The following SLC6A11 variants were observed in gnomAD, a reference collection of about 807,000 sequenced individuals.
SLC6A11 encodes the protein solute carrier family 6 member 11, also known as sodium- and chloride-dependent GABA transporter 3.
SLC6A11 carries 25 observed loss-of-function variants against 74.8 expected under a neutral mutation model. That is an observed-to-expected ratio of 0.33 (90% CI 0.24 to 0.47). The LOEUF is 0.47. Among genes scored for constraint, SLC6A11 ranks in the 20% least tolerant of loss-of-function variants. The pLI is 1.00. For synonymous variants in SLC6A11, 330 were observed against 330.2 expected, an observed-to-expected ratio of 1.00 and a Z score of 0.01; for missense variants, 574 against 837.0, an observed-to-expected ratio of 0.69 and a Z score of 3.88.
At chr3:10,876,186 C>G (rs1027796671) in intron 6 of SLC6A11, among the ~76,000 whole-genome samples, 2 of 152,168 alleles carry the variant, frequency 1.3e-5, no homozygotes, top group Non-Finnish European at 2.9e-5. Context: ...CCCCTCATCA[C>G]GGTGGGCAGA....
At chr3:10,913,056 T>TG (rs1277351798) in intron 7 of SLC6A11, among the ~76,000 whole-genome samples, 1 of 150,354 alleles carries the variant, frequency 6.7e-6, no homozygotes, top group East Asian at 1.9e-4. Flanking sequence ...AGGTTGCCTT[T>TG]TTTTTTTTTT....
Position 10,844,429 on chromosome 3 carries a change from A to T in SLC6A11, c.756+83A>T, listed in dbSNP as rs1250070834. On this transcript the variant is annotated intron_variant, in intron 5 of 13. Coordinates refer to ENST00000254488, the MANE Select transcript of SLC6A11 (RefSeq NM_014229.3). ...TGACCTAGAGAGTAACAGGGAGTTCATGTTGCAGAGGCCAGCACTTAAGTT... is the reference window on the plus strand; with the variant it reads ...TGACCTAGAGAGTAACAGGGAGTTCTTGTTGCAGAGGCCAGCACTTAAGTT... The T allele has an allele frequency of 3.9e-6, 6 of 1,550,934 alleles. No individual in the cohort carries two copies. In the East Asian group the frequency reaches 1.1e-4, roughly 29 times the overall value.
At chr3:10,928,001 C>T (rs1256604784) in intron 9 of SLC6A11, among the ~76,000 whole-genome samples, 2 of 152,178 alleles carry the variant, frequency 1.3e-5, no homozygotes, top group Non-Finnish European at 2.9e-5. Flanking sequence ...CAGGCTTTGC[C>T]ACTTATCGCC....
At chr3:10,848,559 A>G (rs752238882) in intron 5 of SLC6A11, among the ~76,000 whole-genome samples, 2 of 152,174 alleles carry the variant, frequency 1.3e-5, no homozygotes, top group Non-Finnish European at 2.9e-5. Context: ...AGGTAGCAAG[A>G]TGCCTGCCAC....
At chr3:10,933,695 G>T (rs1404875632) in intron 11 of SLC6A11, among the ~76,000 whole-genome samples, 2 of 152,166 alleles carry the variant, frequency 1.3e-5, no homozygotes, top group Non-Finnish European at 2.9e-5. Flanking sequence ...TGTGGCTTGG[G>T]AATGGATGCC....
intron 5 of SLC6A11, among the ~76,000 whole-genome samples, chr3:10,871,742 T>C (rs1694830517): frequency 2.0e-5 from 3 of 152,152 alleles, no homozygotes; most frequent in South Asian, 4.2e-4. Context: ...CTCTTTTATA[T>C]TTGATCTGCA....
chr3:10,863,611 G>A (rs768386990), intron 5 of SLC6A11, among the ~76,000 whole-genome samples: 3 of 152,146 alleles, frequency 2.0e-5, no homozygotes, highest in African/African-American at 4.8e-5. Context: ...GGAGTGTTTT[G>A]TTCTGCCTGG....
chr3:10,868,500 A>G (rs974861876), intron 5 of SLC6A11, among the ~76,000 whole-genome samples: 6 of 152,264 alleles, frequency 3.9e-5, no homozygotes, highest in Non-Finnish European at 5.9e-5. Context: ...GCTAACCTTT[A>G]TATTCAGAAA....
At chr3:10,820,330 G>A (rs564221868) in intron 3 of SLC6A11, among the ~76,000 whole-genome samples, 1 of 152,312 alleles carries the variant, frequency 6.6e-6, no homozygotes, top group African/African-American at 2.4e-5. Flanking sequence ...AGATTTGGTT[G>A]CCAAAATTAA....
rs543597134 is a variant in SLC6A11, at chr3:10,926,629, T to C, written c.1233+513T>C. ...CCCCGCCACCGCCTGCCTGTCTCTGTGCTCGGCCCTCCCTAGAGGCCCCTT... is the reference window on the plus strand; with the variant it reads ...CCCCGCCACCGCCTGCCTGTCTCTGCGCTCGGCCCTCCCTAGAGGCCCCTT... On this transcript the variant is annotated intron_variant, in intron 9 of 13. Coordinates refer to ENST00000254488, the MANE Select transcript of SLC6A11 (RefSeq NM_014229.3). The surrounding 1 kb of genome is among the most constrained non-coding windows in gnomAD (Gnocchi z 5.7). 6.6e-6 allele frequency among the ~76,000 whole-genome samples: 1 copy of C among 152,242 alleles called. No individual in the cohort carries two copies. Among genetic ancestry groups the C allele is most frequent in the South Asian group, 2.1e-4 (1 of 4,820 alleles).
At chr3:10,917,608 C>T (rs1442771298) in intron 7 of SLC6A11, among the ~76,000 whole-genome samples, 1 of 152,192 alleles carries the variant, frequency 6.6e-6, no homozygotes, top group Non-Finnish European at 1.5e-5. Flanking sequence ...CCGTCTTCAT[C>T]TTGACAAAGT....
intron 8 of SLC6A11, among the ~76,000 whole-genome samples, chr3:10,922,756 G>A (rs1230983036): frequency 6.6e-6 from 1 of 152,106 alleles, no homozygotes; most frequent in African/African-American, 2.4e-5. Context: ...AGTAACAAAT[G>A]AACCTAACTG....
chr3:10,934,494 C>T (rs529808010), intron 12 of SLC6A11, among the ~76,000 whole-genome samples: 1 of 152,352 alleles, frequency 6.6e-6, no homozygotes, highest in South Asian at 2.1e-4. Flanking sequence ...CTGTCCCCAT[C>T]TTGTTGTTAA....
intron 6 of SLC6A11, among the ~76,000 whole-genome samples, chr3:10,902,808 G>A (rs192685028): frequency 3.3e-5 from 5 of 152,280 alleles, no homozygotes; most frequent in Admixed American, 6.5e-5. Flanking sequence ...GGGGCAATTA[G>A]GAGATTCATT....
chr3:10,864,769 T>C (rs1694743960), intron 5 of SLC6A11, among the ~76,000 whole-genome samples: 1 of 152,240 alleles, frequency 6.6e-6, no homozygotes, highest in Non-Finnish European at 1.5e-5. Flanking sequence ...GTGGCCGCTC[T>C]GGCTGATTCC....
chr3:10,932,415 G>C (rs968698781), intron 10 of SLC6A11, among the ~76,000 whole-genome samples: 1 of 152,072 alleles, frequency 6.6e-6, no homozygotes, highest in Admixed American at 6.5e-5. Context: ...TTTAACTTAC[G>C]TTTATCACCA....
At chr3:10,836,993 C>G (rs1694375602) in intron 4 of SLC6A11, among the ~76,000 whole-genome samples, 1 of 152,174 alleles carries the variant, frequency 6.6e-6, no homozygotes. Flanking sequence ...TACTCCCTTG[C>G]CCTTTACAGA....
intron 9 of SLC6A11, 149 bp from the exon 10 acceptor site, chr3:10,929,053 A>T (rs1695647931): frequency 1.3e-6 from 1 of 789,040 alleles, no homozygotes. Flanking sequence ...TAGTGCTGGG[A>T]TGACTGTTAT....
In SLC6A11 at chr3:10,878,703, G is replaced by A. The variant is rs952637539; in HGVS notation, c.891+3608G>A. Reference sequence around the variant, plus strand: ...GCTGGGATTACAGGCGTGATCCACCGTGCCTGGCCCACTCATCCTTTAGGA... The same window carrying A: ...GCTGGGATTACAGGCGTGATCCACCATGCCTGGCCCACTCATCCTTTAGGA... On this transcript the variant is annotated intron_variant, in intron 6 of 13. Transcript: ENST00000254488. 4.6e-5 allele frequency among the ~76,000 whole-genome samples: 7 copies of A among 151,594 alleles called. No homozygotes were observed. The East Asian group carries it at 5.8e-4, about 13-fold the overall frequency.
Sources: allele counts gnomAD v4.1 joint callset (sites outside exome capture counted in the v4.1 genomes callset), GRCh38; gene constraint gnomAD v4.1.1; non-coding constraint Gnocchi (gnomAD v3.1); transcripts MANE v1.5; gene names NCBI Gene and HGNC (gene_info 2026-07-23, HGNC 2026-07-21).